Variants in SCAPER observed in about 807,000 individuals in gnomAD.
SCAPER encodes the protein S-phase cyclin A associated protein in the ER.
In SCAPER, 98 loss-of-function variants were observed where a neutral mutation model predicts 182.2. That is an observed-to-expected ratio of 0.54 (90% CI 0.46 to 0.64). The LOEUF is 0.64. Among genes scored for constraint, SCAPER ranks in the 30% least tolerant of loss-of-function variants. The pLI is 0.00. For synonymous variants in SCAPER, 605 were observed against 564.6 expected (o/e 1.07, Z -1.01); for missense variants, 1,432 against 1,690.0 (o/e 0.85, Z 2.68).
At chr15:76,678,753 G>A (rs928857748) in intron 20 of SCAPER, among the ~76,000 whole-genome samples, 4 of 152,008 alleles carry the variant, frequency 2.6e-5, no homozygotes, top group African/African-American at 9.7e-5. Flanking sequence ...TAAAAACAAA[G>A]GGCATTTTTA....
intron 26 of SCAPER, among the ~76,000 whole-genome samples, chr15:76,422,945 C>T (rs1043473211): frequency 6.6e-6 from 1 of 152,150 alleles, no homozygotes; most frequent in African/African-American, 2.4e-5. Context: ...TATGTTGAAC[C>T]AGCCTTGCAT....
chr15:76,736,462 T>G (rs1030310948), intron 15 of SCAPER, among the ~76,000 whole-genome samples: 1 of 152,192 alleles, frequency 6.6e-6, no homozygotes, highest in Non-Finnish European at 1.5e-5. Context: ...ATTTTACCCA[T>G]AGTAGAGTTT....
intron 19 of SCAPER, among the ~76,000 whole-genome samples, chr15:76,702,262 C>CT (rs537522177): frequency 2.2e-4 from 32 of 143,278 alleles, no homozygotes; most frequent in Non-Finnish European, 3.7e-4. Context: ...GAAAATGTTG[C>CT]TTTTTTTTTA....
At chr15:76,475,789 T>TG (rs958190656) in intron 24 of SCAPER, among the ~76,000 whole-genome samples, 7 of 152,290 alleles carry the variant, frequency 4.6e-5, no homozygotes, top group Admixed American at 4.6e-4. Flanking sequence ...CTTAGAGGCC[T>TG]GGGGGTGTGT....
intron 2 of SCAPER, among the ~76,000 whole-genome samples, chr15:76,863,333 G>A (rs1170468209): frequency 6.6e-6 from 1 of 152,210 alleles, no homozygotes; most frequent in Admixed American, 6.5e-5. Flanking sequence ...AAATCTGTGT[G>A]GGAAACCTGC....
At chr15:76,536,227 G>A (rs66754747) in intron 23 of SCAPER, among the ~76,000 whole-genome samples, 58,141 of 151,920 alleles carry the variant, frequency 0.38, 13,128 homozygotes, top group Middle Eastern at 0.52. Context: ...GGCCAAGTGC[G>A]GTGGTGTGTG....
At chr15:76,700,388 T>A (rs140012077) in intron 20 of SCAPER, among the ~76,000 whole-genome samples, 14 of 152,148 alleles carry the variant, frequency 9.2e-5, no homozygotes, top group Non-Finnish European at 1.8e-4. Context: ...TCCGTGGGGG[T>A]CATGGGGTCT....
chr15:76,868,922 G>A (rs897124116), intron 2 of SCAPER, among the ~76,000 whole-genome samples: 1 of 152,040 alleles, frequency 6.6e-6, no homozygotes, highest in African/African-American at 2.4e-5. Flanking sequence ...CAAACACACA[G>A]ACCAATGGAA....
At chr15:76,606,439 A>G (rs142439281) in intron 22 of SCAPER, among the ~76,000 whole-genome samples, 2 of 152,118 alleles carry the variant, frequency 1.3e-5, no homozygotes, top group African/African-American at 4.8e-5. Flanking sequence ...ACTTCCAACT[A>G]TGTGGTCAAT....
chr15:76,532,587 C>T (rs2043773014), intron 23 of SCAPER, among the ~76,000 whole-genome samples: 2 of 152,146 alleles, frequency 1.3e-5, no homozygotes, highest in Admixed American at 1.3e-4. Context: ...TTCTATCACT[C>T]ATTAATTTTT....
At chr15:76,479,312 A>G (rs1452307860) in intron 24 of SCAPER, among the ~76,000 whole-genome samples, 1 of 152,228 alleles carries the variant, frequency 6.6e-6, no homozygotes, top group Non-Finnish European at 1.5e-5. Flanking sequence ...GGTCTACCCA[A>G]GCAGCTTTCC....
In SCAPER at chr15:76,721,351, A is replaced by G. The variant is rs948193892; in HGVS notation, c.2165+7244T>C. Among the ~76,000 whole-genome samples, 666 of 152,050 alleles carry G rather than the reference A, an allele frequency of 4.4e-3. 5 individuals carry two copies. Among genetic ancestry groups the G allele is most frequent in the Non-Finnish European group, 7.0e-3 (474 of 67,946 alleles). ...TAGCCTTGTAGTATAGTTTGAAGTC[A>G]GGTAGTGTGATGCCTCCAGCTTTGT... On this transcript the variant is annotated intron_variant, in intron 17 of 31. Coordinates refer to ENST00000563290, the MANE Select transcript of SCAPER (RefSeq NM_020843.4).
At chr15:76,585,196 G>T (rs1165745879) in intron 22 of SCAPER, among the ~76,000 whole-genome samples, 2 of 151,964 alleles carry the variant, frequency 1.3e-5, no homozygotes, top group East Asian at 3.9e-4. Flanking sequence ...TCAGAGCTTT[G>T]GGAGGTTAGA....
chr15:76,504,849 C>T lies in SCAPER; in HGVS notation c.2954+10G>A, dbSNP rs369088724. 4.4e-6 allele frequency: 7 copies of T among 1,576,544 alleles called. No homozygotes were observed. The highest frequency in any genetic ancestry group is 3.5e-5 in the South Asian group (3 of 85,518). ...GAAACGTAAAAAATAGATTAAGAAACTATACTTACTTAGGAGGAATTCTTA... is the reference window on the plus strand; with the variant it reads ...GAAACGTAAAAAATAGATTAAGAAATTATACTTACTTAGGAGGAATTCTTA... On this transcript the variant is annotated intron_variant, in intron 24 of 31. Coordinates refer to ENST00000563290, the MANE Select transcript of SCAPER (RefSeq NM_020843.4).
chr15:76,683,541 T>C (rs923752677), intron 20 of SCAPER, among the ~76,000 whole-genome samples: 9 of 151,888 alleles, frequency 5.9e-5, no homozygotes, highest in Non-Finnish European at 1.2e-4. Flanking sequence ...ATAATTCAAC[T>C]TCAGAAAACA....
At chr15:76,514,967 A>G (rs975419803) in intron 23 of SCAPER, among the ~76,000 whole-genome samples, 7 of 152,180 alleles carry the variant, frequency 4.6e-5, no homozygotes, top group African/African-American at 1.7e-4. Context: ...ATCTACATAA[A>G]TATCTATGCT....
rs559163614 is a variant in SCAPER, at chr15:76,869,182, A to T, written c.7-6649T>A. Among the ~76,000 whole-genome samples the T allele has an allele frequency of 3.2e-3, 480 of 152,308 alleles. 3 individuals carry two copies. The highest frequency in any genetic ancestry group is 6.0e-3 in the South Asian group (29 of 4,828). On this transcript the variant is annotated intron_variant, in intron 2 of 31. Transcript: ENST00000563290. ...AACTACTAAAATAAAACTTAAAAGA[A>T]ATGCTCCAGGATATTTGTCTGGGTA...
intron 22 of SCAPER, among the ~76,000 whole-genome samples, chr15:76,601,053 A>C (rs1349487848): frequency 8.2e-6 from 1 of 122,306 alleles, no homozygotes; most frequent in Non-Finnish European, 2.0e-5. Context: ...TGAGAATTAA[A>C]GAAAATGTTA....
At chr15:76,666,174 G>A (rs990829003) in intron 20 of SCAPER, among the ~76,000 whole-genome samples, 2 of 152,184 alleles carry the variant, frequency 1.3e-5, no homozygotes, top group African/African-American at 4.8e-5. Flanking sequence ...TGTTCACTAG[G>A]CGGAAGAGGG....
Sources: gnomAD v4.1 joint callset for allele counts (sites outside exome capture counted in the v4.1 genomes callset) on GRCh38, gnomAD v4.1.1 for gene constraint, MANE v1.5 for transcripts, NCBI Gene and HGNC (gene_info 2026-07-23, HGNC 2026-07-21) for gene names.